Variants in NCK2 observed in about 807,000 individuals in gnomAD.
The protein encoded by NCK2 is cytoplasmic protein NCK2.
NCK2 carries 16 observed loss-of-function variants against 33.9 expected under a neutral mutation model. The observed-to-expected ratio is 0.47, with a 90% CI of 0.32 to 0.72. NCK2 has a LOEUF of 0.72. NCK2 is among the 30% of genes least tolerant of loss of function. The pLI is 0.03. For missense variants in NCK2, 418 were observed against 537.3 expected, an observed-to-expected ratio of 0.78 and a Z score of 2.19; for synonymous variants, 273 against 239.9, an observed-to-expected ratio of 1.14 and a Z score of -1.27.
chr2:105,877,261 C>G (rs1056991549), intron 3 of NCK2, among the ~76,000 whole-genome samples: 4 of 152,128 alleles, frequency 2.6e-5, no homozygotes, highest in Non-Finnish European at 5.9e-5. Flanking sequence ...CTTTCTTGCT[C>G]TGGTATCCTT....
intron 1 of NCK2, among the ~76,000 whole-genome samples, chr2:105,799,732 A>G (rs755231912): frequency 6.6e-6 from 1 of 152,238 alleles, no homozygotes; most frequent in South Asian, 2.1e-4. Context: ...TTGTTTTGGC[A>G]TGGAGGGATG....
intron 2 of NCK2, among the ~76,000 whole-genome samples, chr2:105,826,230 G>A (rs116735657): frequency 0.022 from 3,340 of 152,204 alleles, 75 homozygotes; most frequent in Non-Finnish European, 0.037. Flanking sequence ...CGGGAAGAGC[G>A]GCTTATAAAA....
chr2:105,831,801 A>G (rs1676200795), intron 2 of NCK2, among the ~76,000 whole-genome samples: 1 of 152,146 alleles, frequency 6.6e-6, no homozygotes. Flanking sequence ...TATAGCTTGT[A>G]GTATATTTTG....
chr2:105,810,710 G>T (rs1326680078), intron 1 of NCK2, among the ~76,000 whole-genome samples: 1 of 152,130 alleles, frequency 6.6e-6, no homozygotes, highest in Non-Finnish European at 1.5e-5. Context: ...AAACACCTGG[G>T]CAGACCTTTT....
intron 1 of NCK2, among the ~76,000 whole-genome samples, chr2:105,791,187 A>C (rs1403543047): frequency 6.6e-6 from 1 of 152,232 alleles, no homozygotes; most frequent in Non-Finnish European, 1.5e-5. Flanking sequence ...GTGACAGCGG[A>C]AGATCTCTAA....
At chr2:105,803,511 T>C (rs889234527) in intron 1 of NCK2, among the ~76,000 whole-genome samples, 1 of 152,252 alleles carries the variant, frequency 6.6e-6, no homozygotes. Context: ...GTGACTGCTA[T>C]TGTCTCCAAG....
chr2:105,768,324 A>G (rs1438826975), intron 1 of NCK2, among the ~76,000 whole-genome samples: 1 of 152,182 alleles, frequency 6.6e-6, no homozygotes, highest in Non-Finnish European at 1.5e-5. Flanking sequence ...TGATTCTCTG[A>G]CACCACCTAG....
At chr2:105,850,954 C>G (rs763390583) in intron 2 of NCK2, among the ~76,000 whole-genome samples, 5 of 152,190 alleles carry the variant, frequency 3.3e-5, no homozygotes, top group Non-Finnish European at 5.9e-5. Flanking sequence ...TAAGAAACAG[C>G]GTCCAAGGGA....
chr2:105,748,031 G>A (rs1200893276), intron 1 of NCK2, among the ~76,000 whole-genome samples: 1 of 152,224 alleles, frequency 6.6e-6, no homozygotes, highest in Non-Finnish European at 1.5e-5. Flanking sequence ...ACGTTAGCAA[G>A]TATTACCTCT....
At chr2:105,881,207 T>C in intron 3 of NCK2, 121 bp from the exon 4 acceptor site, 2 of 1,348,758 alleles carry the variant, frequency 1.5e-6, no homozygotes, top group African/African-American at 2.9e-5. Context: ...TTGTAAGCAC[T>C]GTCCATGTGT....
chr2:105,805,901 A>G (rs538184787), intron 1 of NCK2, among the ~76,000 whole-genome samples: 3 of 152,070 alleles, frequency 2.0e-5, no homozygotes, highest in African/African-American at 7.3e-5. Flanking sequence ...GAATATTTGC[A>G]TAAACATAAC....
At chr2:105,888,602 T>C (rs1678820282) in intron 4 of NCK2, among the ~76,000 whole-genome samples, 1 of 152,218 alleles carries the variant, frequency 6.6e-6, no homozygotes, top group Non-Finnish European at 1.5e-5. Flanking sequence ...TTGGTACTCT[T>C]TGCTTCAGAA....
intron 2 of NCK2, among the ~76,000 whole-genome samples, chr2:105,841,642 G>A (rs1676651163): frequency 6.6e-6 from 1 of 152,178 alleles, no homozygotes; most frequent in Non-Finnish European, 1.5e-5. Flanking sequence ...GGGTGGGGTT[G>A]AAAGTCCCAA....
chr2:105,746,886 T>A (rs1689305040), intron 1 of NCK2, among the ~76,000 whole-genome samples: 1 of 152,174 alleles, frequency 6.6e-6, no homozygotes, highest in Non-Finnish European at 1.5e-5. Context: ...TAGGAAGCTG[T>A]GGAGGTGCCT....
chr2:105,790,148 TTTC>T (rs1289344948), intron 1 of NCK2, among the ~76,000 whole-genome samples: 2 of 152,224 alleles, frequency 1.3e-5, no homozygotes, highest in African/African-American at 4.8e-5. Context: ...CGGGCAGCCG[TTTC>T]TTCTTCATCA....
chr2:105,866,480 A>G (rs967482147), intron 3 of NCK2, among the ~76,000 whole-genome samples: 13 of 152,182 alleles, frequency 8.5e-5, no homozygotes, highest in Non-Finnish European at 1.5e-4. Context: ...TTTTACATGG[A>G]TGGTGGCAGG....
intron 1 of NCK2, among the ~76,000 whole-genome samples, chr2:105,795,721 A>G (rs1326275443): frequency 6.6e-6 from 1 of 152,164 alleles, no homozygotes; most frequent in Non-Finnish European, 1.5e-5. Context: ...CAGCTCCACG[A>G]CAAAGAATTA....
intron 4 of NCK2, 57 bp downstream of exon 4, chr2:105,882,106 G>T: frequency 6.9e-7 from 1 of 1,447,798 alleles, no homozygotes; most frequent in Non-Finnish European, 9.1e-7. Context: ...CTTGCGCGGT[G>T]GGTCTGTGTG....
intron 1 of NCK2, among the ~76,000 whole-genome samples, chr2:105,814,810 G>T (rs763374583): frequency 7.6e-4 from 116 of 152,304 alleles, no homozygotes; most frequent in Admixed American, 1.1e-3. Context: ...AGGGCACACA[G>T]GGGGGAGGCC....
Sources: allele counts gnomAD v4.1 joint callset (sites outside exome capture counted in the v4.1 genomes callset), GRCh38; gene constraint gnomAD v4.1.1; transcripts MANE v1.5; gene names NCBI Gene and HGNC (gene_info 2026-07-23, HGNC 2026-07-21).